The following OBI1 variants were observed in gnomAD, a reference collection of about 807,000 sequenced individuals.
The protein encoded by OBI1 is ring finger protein 219.
Under a neutral mutation model 62.4 loss-of-function variants are expected in OBI1, and 59 were observed. The ratio of observed to expected loss-of-function variants is 0.95; its 90% confidence interval spans 0.77 to 1.17. The LOEUF (loss-of-function observed/expected upper bound fraction) is 1.17, where lower values mean the gene tolerates loss of function less well. Ranked by LOEUF, OBI1 falls within the 50% of genes most tolerant of loss-of-function variation. OBI1 has a pLI of 0.00. For missense variants in OBI1, 875 were observed against 830.9 expected, an observed-to-expected ratio of 1.05 and a Z score of -0.65; for synonymous variants, 302 against 292.8, an observed-to-expected ratio of 1.03 and a Z score of -0.32.
rs75045720 is a variant in OBI1 at position 78,635,213 on chromosome 13, T to C, written c.550-15A>G. ...TTTTTATTTGCCTAAAATAACAAAT[T>C]GAAAATAAGTAAGCAAAAGCTACAA... On this transcript the variant is annotated splice_polypyrimidine_tract_variant and intron_variant, in intron 4 of 5. Coordinates refer to ENST00000282003, the MANE Select transcript of OBI1 (RefSeq NM_024546.4). 27 of 1,457,406 alleles carry C rather than the reference T, an allele frequency of 1.9e-5. No homozygotes were observed. The highest frequency in any genetic ancestry group is 9.6e-6 in the Non-Finnish European group (10 of 1,044,282). The allele number at this position is 1,457,406 out of a possible 1,614,324, so 90.3% of individuals were successfully genotyped here. A position where few individuals can be genotyped will look rare whatever the true frequency, so the allele number is the denominator to read the frequency against.
At chr13:78,631,300 A>T (rs1417791016) in intron 5 of OBI1, among the ~76,000 whole-genome samples, 4 of 152,214 alleles carry the variant, frequency 2.6e-5, no homozygotes, top group Non-Finnish European at 5.9e-5. Context: ...AATTACACAA[A>T]GTGTTAATTA....
rs188058834 is a variant in OBI1 at position 78,615,484 on chromosome 13, C to T, written c.*96G>A. On this transcript the variant is annotated 3_prime_UTR_variant, in exon 6 of 6. Coordinates refer to ENST00000282003, the MANE Select transcript of OBI1 (RefSeq NM_024546.4). ...GATACTTGACTAAAGATTATCAATT[C>T]CAATTTGTATAGAACTTTTATGAGG... The T allele has an allele frequency of 8.0e-6, 7 of 870,010 alleles. No individual in the cohort carries two copies. In the African/African-American group the frequency reaches 8.4e-5, roughly 10 times the overall value. 53.9% of individuals were successfully genotyped at this position (870,010 alleles called of 1,614,324 possible). A position where few individuals can be genotyped will look rare whatever the true frequency, so the allele number is the denominator to read the frequency against.
intron 5 of OBI1, among the ~76,000 whole-genome samples, chr13:78,619,260 G>A (rs1000415126): frequency 7.3e-5 from 11 of 151,590 alleles, no homozygotes; most frequent in Non-Finnish European, 1.5e-4. Context: ...TCTTGTTCCA[G>A]GGTTTTAGCT....
intron 1 of OBI1, among the ~76,000 whole-genome samples, chr13:78,651,311 A>G (rs570737447): frequency 1.2e-4 from 19 of 152,320 alleles, no homozygotes; most frequent in Admixed American, 7.2e-4. Flanking sequence ...TGCCAGAGCT[A>G]CCTTCCTAAA....
At chr13:78,632,222 C>T (rs997104375) in intron 5 of OBI1, among the ~76,000 whole-genome samples, 4 of 152,180 alleles carry the variant, frequency 2.6e-5, no homozygotes, top group East Asian at 3.9e-4. Context: ...TCTCCCCCAA[C>T]CATATAAAGA....
intron 1 of OBI1, among the ~76,000 whole-genome samples, chr13:78,657,569 A>T (rs1876749362): frequency 6.6e-6 from 1 of 152,254 alleles, no homozygotes; most frequent in Non-Finnish European, 1.5e-5. Flanking sequence ...TAGTCTGCAA[A>T]TCACTATATT....
At chr13:78,623,969 G>A (rs889713361) in intron 5 of OBI1, among the ~76,000 whole-genome samples, 6 of 152,144 alleles carry the variant, frequency 3.9e-5, no homozygotes, top group African/African-American at 1.4e-4. Context: ...TTTAACCAGA[G>A]ATATAAAGAC....
chr13:78,645,794 G>A (rs1876364137), intron 1 of OBI1, among the ~76,000 whole-genome samples: 1 of 152,186 alleles, frequency 6.6e-6, no homozygotes, highest in South Asian at 2.1e-4. Flanking sequence ...GGGACTACAG[G>A]CGCCTGCCAC....
At chr13:78,626,789 C>T (rs1256043123) in intron 5 of OBI1, among the ~76,000 whole-genome samples, 1 of 152,136 alleles carries the variant, frequency 6.6e-6, no homozygotes, top group Non-Finnish European at 1.5e-5. Context: ...ATATTGGGGC[C>T]AGGCGTGGTG....
intron 5 of OBI1, among the ~76,000 whole-genome samples, chr13:78,623,365 T>C (rs1173008718): frequency 1.3e-5 from 2 of 151,640 alleles, no homozygotes; most frequent in Non-Finnish European, 1.5e-5. Flanking sequence ...CTGACTACTA[T>C]TGACAATGAT....
chr13:78,652,709 T>C (rs918720922), intron 1 of OBI1, among the ~76,000 whole-genome samples: 2 of 152,190 alleles, frequency 1.3e-5, no homozygotes, highest in African/African-American at 4.8e-5. Flanking sequence ...TCTAGATCCC[T>C]TGCATGCACA....
intron 1 of OBI1, among the ~76,000 whole-genome samples, chr13:78,651,559 C>T (rs1274155112): frequency 6.6e-6 from 1 of 152,106 alleles, no homozygotes; most frequent in Non-Finnish European, 1.5e-5. Flanking sequence ...ATTTATAGAG[C>T]TTCCATTTCT....
At chr13:78,643,371 C>G (rs1876278359) in intron 2 of OBI1, among the ~76,000 whole-genome samples, 1 of 152,168 alleles carries the variant, frequency 6.6e-6, no homozygotes, top group Non-Finnish European at 1.5e-5. Context: ...GAGAACCAGT[C>G]CTCTACCAGA....
At chr13:78,618,534 T>C (rs987285269) in intron 5 of OBI1, among the ~76,000 whole-genome samples, 1 of 152,080 alleles carries the variant, frequency 6.6e-6, no homozygotes, top group Non-Finnish European at 1.5e-5. Flanking sequence ...AACCCCTACA[T>C]AATCCCTGCA....
chr13:78,616,502 G>C lies in OBI1; in HGVS notation c.1259C>G (p.Ser420Ter). The change falls in exon 6 of 6, where the codon TCA (serine) becomes TGA (stop). Residue 420 changes from serine to a stop codon, truncating the protein, a stop_gained. Coordinates refer to ENST00000282003, the MANE Select transcript of OBI1 (RefSeq NM_024546.4). LOFTEE classifies it high-confidence loss of function. ...AAACACCAATTTTCTGAGATGGTTT[G>C]AGTGCTTTTTGGAACCTCCTGCTTG... The part of the protein sequence containing the change: ...VVQAGGSKKH[S>*]NHLRKLVFDD... 3 of 1,614,098 alleles carry C rather than the reference G, an allele frequency of 1.9e-6. No homozygotes were observed. Among genetic ancestry groups the C allele is most frequent in the Non-Finnish European group, 2.5e-6 (3 of 1,180,018 alleles).
At chr13:78,619,369 A>C (rs1875436745) in intron 5 of OBI1, among the ~76,000 whole-genome samples, 1 of 151,792 alleles carries the variant, frequency 6.6e-6, no homozygotes, top group South Asian at 2.1e-4. Context: ...AAGAAGTAAC[A>C]TATGGTTTGG....
intron 2 of OBI1, among the ~76,000 whole-genome samples, chr13:78,643,699 A>T (rs567144435): frequency 2.6e-5 from 4 of 152,082 alleles, no homozygotes; most frequent in Non-Finnish European, 5.9e-5. Context: ...GAGGGAGGAG[A>T]ATCGCTTGAA....
At position 78,616,118 on chromosome 13, in the gene OBI1, G is replaced by C; in HGVS notation, c.1643C>G (p.Ser548Ter). 1 of 1,614,124 alleles carries C rather than the reference G, an allele frequency of 6.2e-7. No homozygotes were observed. Among genetic ancestry groups the C allele is most frequent in the East Asian group, 2.2e-5 (1 of 44,876 alleles). ...ISELDSMMSESDNSKSPCNNG... is the reference protein window; with the variant it reads ...ISELDSMMSE ...ATTACAAGGGCTCTTGCTGTTGTCT[G>C]ACTCTGACATCATTGAATCCAACTC... is the stretch of plus-strand genomic sequence containing the variant. The change falls in exon 6 of 6, where the codon TCA becomes TGA. Residue 548 changes from serine to a stop codon, truncating the protein, a stop_gained. Coordinates refer to ENST00000282003, the MANE Select transcript of OBI1 (RefSeq NM_024546.4). LOFTEE classifies it high-confidence loss of function.
chr13:78,647,029 G>C (rs755515209), intron 1 of OBI1, among the ~76,000 whole-genome samples: 43 of 152,226 alleles, frequency 2.8e-4, no homozygotes, highest in Non-Finnish European at 5.9e-4. Context: ...TTTACAGGCA[G>C]TATGCTTGAT....
Sources: allele counts gnomAD v4.1 joint callset (sites outside exome capture counted in the v4.1 genomes callset), GRCh38; gene constraint gnomAD v4.1.1; transcripts MANE v1.5; gene names NCBI Gene and HGNC (gene_info 2026-07-23, HGNC 2026-07-21).